ZNF516: variants seen among roughly 807,000 people sequenced by gnomAD.
ZNF516 encodes zinc finger protein 516.
A neutral mutation model predicts 79.7 loss-of-function variants in ZNF516; 19 were observed. The observed-to-expected ratio is 0.24, with a 90% CI of 0.17 to 0.35. ZNF516 has a LOEUF of 0.35. Ranked by LOEUF, ZNF516 falls within the 10% of genes least tolerant of loss-of-function variation. ZNF516 has a pLI of 1.00. For missense variants in ZNF516, 1,678 were observed against 1,679.5 expected (o/e 1.00, Z 0.02); for synonymous variants, 877 against 739.5 (o/e 1.19, Z -3.02).
At chr18:76,402,751 G>C in intron 3 of ZNF516, among the ~76,000 whole-genome samples, 1 of 152,248 alleles carries the variant, frequency 6.6e-6, no homozygotes. Context: ...TGAACTAGAA[G>C]CGAGCTCCAT....
Position 76,441,945 on chromosome 18 carries a change from C to T in ZNF516, c.1110G>A (p.Glu370=), listed in dbSNP as rs755571601. ...TGTCCGAGGGCCCCTCCGCCCCCTC[C>T]TCGGCCGGGGCGCGCGTGCGGCTGG... ...VEASRTRAPA[E]EGAEGPSDTK... is the part of the protein sequence containing the mutation. The change falls in exon 3 of 7, where the codon GAG becomes GAA. Residue 370 remains glutamate (E), a synonymous_variant. Transcript: ENST00000443185. 6.2e-7 allele frequency: 1 copy of T among 1,610,988 alleles called. No individual in the cohort carries two copies. The highest frequency in any genetic ancestry group is 1.1e-5 in the South Asian group (1 of 90,910).
chr18:76,368,845 A>G (rs568285698), intron 6 of ZNF516, among the ~76,000 whole-genome samples: 20 of 152,336 alleles, frequency 1.3e-4, no homozygotes, highest in African/African-American at 4.6e-4. Context: ...TTGCTTTTTG[A>G]TCTCCTATTT....
At chr18:76,450,454 A>AAATC (rs1290549559) in intron 2 of ZNF516, among the ~76,000 whole-genome samples, 11 of 152,082 alleles carry the variant, frequency 7.2e-5, no homozygotes, top group African/African-American at 2.4e-4. Flanking sequence ...AGTCAAAGAA[A>AAATC]AATCGTCTGA....
chr18:76,491,303 C>T (rs1381834490), intron 1 of ZNF516, among the ~76,000 whole-genome samples: 4 of 128,082 alleles, frequency 3.1e-5, no homozygotes, highest in Non-Finnish European at 6.8e-5. Context: ...CCCGGCCCTC[C>T]ACAGCCCCAT....
intron 6 of ZNF516, among the ~76,000 whole-genome samples, chr18:76,368,645 TATAAA>T (rs1476488320): frequency 6.6e-6 from 1 of 152,086 alleles, no homozygotes; most frequent in Non-Finnish European, 1.5e-5. Flanking sequence ...TGGTATGAAG[TATAAA>T]ATAACAATAT....
At chr18:76,453,317 C>T (rs1912530344) in intron 2 of ZNF516, among the ~76,000 whole-genome samples, 1 of 152,146 alleles carries the variant, frequency 6.6e-6, no homozygotes, top group Non-Finnish European at 1.5e-5. Context: ...TTTCCAGAAG[C>T]TTAGAATTGC....
At chr18:76,488,028 G>C in intron 1 of ZNF516, 1 of 985,312 alleles carries the variant, frequency 1.0e-6, no homozygotes, top group Non-Finnish European at 1.2e-6. Flanking sequence ...AATCACTGCT[G>C]CACAAACAGA....
At chr18:76,385,267 G>A (rs1188682053) in intron 3 of ZNF516, among the ~76,000 whole-genome samples, 5 of 152,184 alleles carry the variant, frequency 3.3e-5, no homozygotes, top group African/African-American at 1.2e-4. Flanking sequence ...ACTTCACTGC[G>A]TCCCAAGCTG....
rs372821666 is a variant in ZNF516, at chr18:76,359,401, G to A, written c.*3097C>T. 2 of 152,230 alleles carry A rather than the reference G, an allele frequency of 1.3e-5. No homozygotes were observed. Among genetic ancestry groups the A allele is most frequent in the Admixed American group, 1.3e-4 (2 of 15,286 alleles). The allele number at this position is 152,230 out of a possible 1,614,324, so 9.4% of individuals were successfully genotyped here. On this transcript the variant is annotated 3_prime_UTR_variant, in exon 7 of 7. Transcript: ENST00000443185. ...AGGCAGAAAGGTGGGCAGGTACAGTGGCCAATTTCCCAGAGAAGATCCTCA... is the reference window on the plus strand; with the variant it reads ...AGGCAGAAAGGTGGGCAGGTACAGTAGCCAATTTCCCAGAGAAGATCCTCA...
At chr18:76,420,517 T>C (rs2145370320) in intron 3 of ZNF516, among the ~76,000 whole-genome samples, 1 of 152,326 alleles carries the variant, frequency 6.6e-6, no homozygotes, top group East Asian at 1.9e-4. Flanking sequence ...TATACACTAT[T>C]CTCAGGACTA....
Position 76,441,554 on chromosome 18 carries a change from G to A in ZNF516, c.1501C>T (p.Pro501Ser), listed in dbSNP as rs765348279. 9 of 1,531,206 alleles carry A rather than the reference G, an allele frequency of 5.9e-6. No homozygotes were observed. Among genetic ancestry groups the A allele is most frequent in the Non-Finnish European group, 7.9e-6 (9 of 1,142,822 alleles). 94.9% of individuals were successfully genotyped at this position (1,531,206 alleles called of 1,614,324 possible). ...GTGGTGGCTGCGGCCCTGCGGTTGG[G>A]GCGCGCGGCCGAGCGGGGATCGAGG... ...GHLDPRSAAR[P>S]NRRAAATTGQ... Residue 501 changes from proline to serine, a missense_variant, in exon 3 of 7, where the codon CCC becomes TCC. Pro to Ser is a moderately conservative substitution (Grantham distance 74, BLOSUM62 -1). Coordinates refer to ENST00000443185, the MANE Select transcript of ZNF516 (RefSeq NM_014643.4).
intron 1 of ZNF516, chr18:76,490,914 C>T (rs1308548641): frequency 2.0e-6 from 2 of 985,482 alleles, no homozygotes; most frequent in African/African-American, 1.7e-5. Context: ...ACAGAGCCAT[C>T]CCCGGCCTCT....
intron 2 of ZNF516, among the ~76,000 whole-genome samples, chr18:76,447,928 T>C (rs549767401): frequency 6.6e-6 from 1 of 152,310 alleles, no homozygotes; most frequent in African/African-American, 2.4e-5. Flanking sequence ...TCTCCAGAGA[T>C]GTAATCAACA....
intron 1 of ZNF516, among the ~76,000 whole-genome samples, chr18:76,481,537 A>G (rs1276604521): frequency 1.3e-5 from 2 of 152,242 alleles, no homozygotes; most frequent in Non-Finnish European, 2.9e-5. Context: ...GAATGGCCCA[A>G]AAGGTGAGCT....
At position 76,442,014 on chromosome 18, in the gene ZNF516, C is replaced by A; in HGVS notation, c.1041G>T (p.Leu347=). 1 of 1,613,856 alleles carries A rather than the reference C, an allele frequency of 6.2e-7. No individual in the cohort carries two copies. The highest frequency in any genetic ancestry group is 2.2e-5 in the East Asian group (1 of 44,878). The change falls in exon 3 of 7, where the codon CTG becomes CTT. Residue 347 remains leucine (L), a synonymous_variant. Transcript: ENST00000443185. ...CAKCGNLFTN[L]DSLNAHNAIH... is the part of the protein sequence containing the mutation. ...TGGCATTGTGGGCGTTCAAGCTGTCCAGGTTTGTAAACAGGTTCCCGCACT... is the reference window on the plus strand; with the variant it reads ...TGGCATTGTGGGCGTTCAAGCTGTCAAGGTTTGTAAACAGGTTCCCGCACT...
chr18:76,437,441 A>AT (rs2075758100), intron 3 of ZNF516, among the ~76,000 whole-genome samples: 1 of 100,808 alleles, frequency 9.9e-6, no homozygotes, highest in South Asian at 4.1e-4. Context: ...TCCCTTGACC[A>AT]TATTTTTTTT....
At chr18:76,362,762 T>C (rs1041563769) in intron 6 of ZNF516, among the ~76,000 whole-genome samples, 1 of 152,224 alleles carries the variant, frequency 6.6e-6, no homozygotes, top group Non-Finnish European at 1.5e-5. Flanking sequence ...CAAATGTGCC[T>C]TCCTGCCTTA....
Position 76,442,797 on chromosome 18 carries a change from C to A in ZNF516, c.258G>T (p.Thr86=). The A allele has an allele frequency of 6.2e-7, 1 of 1,608,538 alleles. No individual in the cohort carries two copies. The highest frequency in any genetic ancestry group is 8.5e-7 in the Non-Finnish European group (1 of 1,177,438). ...GCTCGTGTCCCTGAATCAGAGTCCC[C>A]GTGCGGTGGCTCCGGATGTGAATCT... The part of the protein sequence containing the change: ...NLKIHIRSHR[T]GTLIQGHEPE... Residue 86 remains threonine (T), a synonymous_variant, in exon 3 of 7, where the codon ACG becomes ACT. Coordinates refer to ENST00000443185, the MANE Select transcript of ZNF516 (RefSeq NM_014643.4).
intron 2 of ZNF516, among the ~76,000 whole-genome samples, chr18:76,453,056 T>C (rs1325097032): frequency 6.6e-6 from 1 of 152,244 alleles, no homozygotes; most frequent in African/African-American, 2.4e-5. Flanking sequence ...ATTTACTATT[T>C]ACTATTTTCC....
Sources: allele counts gnomAD v4.1 joint callset (sites outside exome capture counted in the v4.1 genomes callset), GRCh38; gene constraint gnomAD v4.1.1; transcripts MANE v1.5; gene names NCBI Gene and HGNC (gene_info 2026-07-23, HGNC 2026-07-21).